Variants in C20orf203 observed in about 807,000 individuals in gnomAD.
C20orf203 encodes the protein chromosome 20 open reading frame 203, also known as uncharacterized protein C20orf203.
In C20orf203, 16 loss-of-function variants were observed where a neutral mutation model predicts 15.9. The observed-to-expected ratio is 1.01, with a 90% confidence interval of 0.68 to 1.53. The LOEUF (loss-of-function observed/expected upper bound fraction) is 1.53. Ranked by LOEUF, C20orf203 falls within the 40% of genes most tolerant of loss-of-function variation. The pLI is 0.00. For missense variants in C20orf203, 263 were observed against 247.5 expected (o/e 1.06, Z -0.42); for synonymous variants, 98 against 97.2 (o/e 1.01, Z -0.05).
At chr20:32,659,226 C>G (rs1044433893) in intron 1 of C20orf203, among the ~76,000 whole-genome samples, 10 of 152,128 alleles carry the variant, frequency 6.6e-5, no homozygotes, top group Non-Finnish European at 1.2e-4. Context: ...GCACAGCCGA[C>G]CCCCTTGCCC....
chr20:32,671,606 G>T (rs1438529282), intron 1 of C20orf203, among the ~76,000 whole-genome samples: 1 of 152,146 alleles, frequency 6.6e-6, no homozygotes, highest in East Asian at 1.9e-4. Flanking sequence ...ACTTTGGGAG[G>T]CCGAGGTGGG....
At chr20:32,663,649 A>G (rs980319916) in intron 1 of C20orf203, among the ~76,000 whole-genome samples, 9 of 152,264 alleles carry the variant, frequency 5.9e-5, no homozygotes, top group African/African-American at 2.2e-4. Flanking sequence ...ATTTATAATT[A>G]GACATAAACC....
chr20:32,666,097 C>T (rs1983012992), intron 1 of C20orf203, among the ~76,000 whole-genome samples: 1 of 147,352 alleles, frequency 6.8e-6, no homozygotes. Context: ...CATACCACTG[C>T]ACTCCAGCCT....
At chr20:32,648,920 T>C (rs941301518) in intron 4 of C20orf203, among the ~76,000 whole-genome samples, 5 of 152,184 alleles carry the variant, frequency 3.3e-5, no homozygotes, top group Admixed American at 6.5e-5. Flanking sequence ...TACATTACAC[T>C]GATGAGCCGC....
chr20:32,659,412 A>C (rs962135830), intron 1 of C20orf203, among the ~76,000 whole-genome samples: 27 of 152,180 alleles, frequency 1.8e-4, no homozygotes, highest in African/African-American at 6.3e-4. Flanking sequence ...AACACTCTCT[A>C]CGCATCAGGC....
At chr20:32,643,911 C>T (rs1982354672) in intron 4 of C20orf203, among the ~76,000 whole-genome samples, 1 of 152,176 alleles carries the variant, frequency 6.6e-6, no homozygotes, top group Admixed American at 6.5e-5. Flanking sequence ...TTTTAAAACC[C>T]TTTCACACTC....
chr20:32,637,407 C>T (rs530101359), intron 5 of C20orf203, among the ~76,000 whole-genome samples: 1 of 152,216 alleles, frequency 6.6e-6, no homozygotes, highest in African/African-American at 2.4e-5. Flanking sequence ...TAGAGCAAGA[C>T]TGTCTCAAAA....
At chr20:32,663,556 C>T (rs1356399863) in intron 1 of C20orf203, among the ~76,000 whole-genome samples, 1 of 152,162 alleles carries the variant, frequency 6.6e-6, no homozygotes, top group South Asian at 2.1e-4. Flanking sequence ...TAGTTACCTC[C>T]GGGGAGTGGG....
chr20:32,662,686 C>T (rs1281025495), intron 1 of C20orf203, among the ~76,000 whole-genome samples: 3 of 151,922 alleles, frequency 2.0e-5, no homozygotes, highest in African/African-American at 7.3e-5. Flanking sequence ...GAATGGCTGA[C>T]AGGAAATCCC....
chr20:32,657,970 T>TAA (rs112570622), intron 1 of C20orf203: 2 of 127,202 alleles, frequency 1.6e-5, no homozygotes, highest in Non-Finnish European at 3.3e-5. Flanking sequence ...CCCCCAAACC[T>TAA]AAAAAAAAAA....
At chr20:32,660,013 C>T (rs1982853449) in intron 1 of C20orf203, among the ~76,000 whole-genome samples, 1 of 152,124 alleles carries the variant, frequency 6.6e-6, no homozygotes, top group South Asian at 2.1e-4. Context: ...TCCTGTATGC[C>T]AGCGCATTTG....
chr20:32,641,351 AAAGG>A (rs1221909188), intron 4 of C20orf203, among the ~76,000 whole-genome samples: 3 of 151,836 alleles, frequency 2.0e-5, no homozygotes, highest in African/African-American at 7.3e-5. Flanking sequence ...AAAAAAAAAA[AAAGG>A]AAGAAAGAAA....
At chr20:32,658,422 T>TG (rs1427194701) in intron 1 of C20orf203, among the ~76,000 whole-genome samples, 3 of 151,742 alleles carry the variant, frequency 2.0e-5, no homozygotes, top group African/African-American at 7.3e-5. Flanking sequence ...CTCAAGTAAC[T>TG]GAGACTACAG....
chr20:32,635,713 A>G (rs1982120678), intron 5 of C20orf203, among the ~76,000 whole-genome samples: 1 of 152,122 alleles, frequency 6.6e-6, no homozygotes, highest in African/African-American at 2.4e-5. Flanking sequence ...CGGGAGGCTG[A>G]GGTGGGAGGA....
At chr20:32,662,753 C>T (rs558053980) in intron 1 of C20orf203, among the ~76,000 whole-genome samples, 1 of 151,876 alleles carries the variant, frequency 6.6e-6, no homozygotes, top group African/African-American at 2.4e-5. Flanking sequence ...CATGGTGGCT[C>T]ATGCCTGTAA....
At chr20:32,664,903 C>T (rs891378549) in intron 1 of C20orf203, among the ~76,000 whole-genome samples, 4 of 152,222 alleles carry the variant, frequency 2.6e-5, no homozygotes, top group Admixed American at 2.6e-4. Flanking sequence ...TCATTTAGAG[C>T]AGAGCTGAGT....
At chr20:32,672,519 G>A (rs889673145) in intron 1 of C20orf203, among the ~76,000 whole-genome samples, 1 of 151,120 alleles carries the variant, frequency 6.6e-6, no homozygotes, top group Non-Finnish European at 1.5e-5. Flanking sequence ...GTTACAATGA[G>A]CTATGATTGC....
At position 32,650,763 on chromosome 20, in the gene C20orf203, G is replaced by C; in HGVS notation, c.254C>G (p.Pro85Arg). The C allele has an allele frequency of 6.6e-7, 1 of 1,521,672 alleles. No homozygotes were observed. Among genetic ancestry groups the C allele is most frequent in the African/African-American group, 1.4e-5 (1 of 72,432 alleles). The allele number at this position is 1,521,672 out of a possible 1,614,324, so 94.3% of individuals were successfully genotyped here. A position where few individuals can be genotyped will look rare whatever the true frequency, so the allele number is the denominator to read the frequency against. ...HPQPSHQRQP[P>R]PPQHPGPYQE... ...ATAAGGGCCTGGGTGTTGCGGAGGAGGAGGCTGGCGCTGGTGGCTGGGCTG... is the reference window on the plus strand; with the variant it reads ...ATAAGGGCCTGGGTGTTGCGGAGGACGAGGCTGGCGCTGGTGGCTGGGCTG... The change falls in exon 4 of 6, where the codon CCT becomes CGT. Residue 85 changes from proline to arginine, a missense_variant. Physicochemically the swap from Pro to Arg is moderately radical, Grantham distance 103. Transcript: ENST00000608990.
chr20:32,668,363 C>T (rs750711108), intron 1 of C20orf203, among the ~76,000 whole-genome samples: 13 of 152,130 alleles, frequency 8.5e-5, no homozygotes, highest in Non-Finnish European at 1.8e-4. Flanking sequence ...CGGTGGCTCA[C>T]ATCTGTAATC....
Sources: gnomAD v4.1 joint callset for allele counts (sites outside exome capture counted in the v4.1 genomes callset) on GRCh38, gnomAD v4.1.1 for gene constraint, MANE v1.5 for transcripts, NCBI Gene and HGNC (gene_info 2026-07-23, HGNC 2026-07-21) for gene names.